The following ZNF804B variants were observed in gnomAD, a reference collection of about 807,000 sequenced individuals.
The protein encoded by ZNF804B is zinc finger 804B.
In ZNF804B, 80 loss-of-function variants were observed where a neutral mutation model predicts 101.4. The ratio of observed to expected loss-of-function variants is 0.79; its 90% CI spans 0.66 to 0.95. The LOEUF (loss-of-function observed/expected upper bound fraction) is 0.95. ZNF804B is among the 40% of genes least tolerant of loss of function. The pLI is 0.00. For synonymous variants in ZNF804B, 622 were observed against 558.8 expected (o/e 1.11, Z -1.59); for missense variants, 1,673 against 1,561.9 (o/e 1.07, Z -1.20).
At chr7:89,085,203 C>T (rs1789779588) in intron 1 of ZNF804B, among the ~76,000 whole-genome samples, 1 of 151,898 alleles carries the variant, frequency 6.6e-6, no homozygotes, top group South Asian at 2.1e-4. Flanking sequence ...CATAAATTGA[C>T]ATGTTTTCTA....
chr7:89,121,221 G>A (rs1214620165), intron 1 of ZNF804B, among the ~76,000 whole-genome samples: 1 of 152,142 alleles, frequency 6.6e-6, no homozygotes, highest in African/African-American at 2.4e-5. Context: ...TTGTTTAGGA[G>A]TCATGAAATC....
At chr7:88,815,723 A>G (rs1177971731) in intron 1 of ZNF804B, among the ~76,000 whole-genome samples, 1 of 151,872 alleles carries the variant, frequency 6.6e-6, no homozygotes, top group Non-Finnish European at 1.5e-5. Context: ...GTTCCCACAC[A>G]CCGCACTCGG....
At chr7:88,902,131 GA>G (rs1792400790) in intron 1 of ZNF804B, among the ~76,000 whole-genome samples, 1 of 151,820 alleles carries the variant, frequency 6.6e-6, no homozygotes, top group Non-Finnish European at 1.5e-5. Context: ...TAGTTTGGGG[GA>G]CTCACAAAGA....
At chr7:88,950,490 T>C (rs1021029192) in intron 1 of ZNF804B, among the ~76,000 whole-genome samples, 1 of 122,332 alleles carries the variant, frequency 8.2e-6, no homozygotes, top group Non-Finnish European at 1.8e-5. Flanking sequence ...GAAAACAGAT[T>C]ATTTATTTCC....
At chr7:88,819,623 A>C (rs1790943473) in intron 1 of ZNF804B, among the ~76,000 whole-genome samples, 1 of 152,188 alleles carries the variant, frequency 6.6e-6, no homozygotes. Context: ...AAAAGTGCTA[A>C]GTGTATACAC....
At chr7:88,959,098 T>G (rs972533240) in intron 1 of ZNF804B, among the ~76,000 whole-genome samples, 2 of 151,422 alleles carry the variant, frequency 1.3e-5, no homozygotes, top group African/African-American at 4.8e-5. Flanking sequence ...AGAGGTTGTC[T>G]GACTTTTGAC....
chr7:89,327,361 G>A lies in ZNF804B; in HGVS notation c.267G>A (p.Lys89=), dbSNP rs1206750333. ...TTTTCAAGAGACTGAAAGAATTAAA[G>A]CAACGGGAATTTGCTCGAAATGTAG... ...HAHKQRLKEL[K]QREFARNVAS... Residue 89 remains lysine (K), a synonymous_variant, in exon 3 of 4, where the codon AAG becomes AAA. Coordinates refer to ENST00000333190, the MANE Select transcript of ZNF804B (RefSeq NM_181646.5). The A allele has an allele frequency of 1.2e-6, 2 of 1,605,106 alleles. No homozygotes were observed. The highest frequency in any genetic ancestry group is 1.7e-6 in the Non-Finnish European group (2 of 1,176,694).
intron 1 of ZNF804B, among the ~76,000 whole-genome samples, chr7:89,068,108 C>T (rs141755242): frequency 1.4e-4 from 20 of 144,960 alleles, no homozygotes; most frequent in African/African-American, 4.4e-4. Context: ...TAAATATCAA[C>T]TATTTTCAAC....
At chr7:89,006,879 A>G (rs1317039729) in intron 1 of ZNF804B, among the ~76,000 whole-genome samples, 1 of 152,080 alleles carries the variant, frequency 6.6e-6, no homozygotes, top group Non-Finnish European at 1.5e-5. Context: ...ACCACAGGCC[A>G]TTGAGCACTT....
intron 1 of ZNF804B, among the ~76,000 whole-genome samples, chr7:88,885,069 A>G (rs933505502): frequency 1.6e-4 from 25 of 151,960 alleles, no homozygotes; most frequent in Admixed American, 1.4e-3. Flanking sequence ...CAATGCATAT[A>G]TAATTTGTAT....
At chr7:88,876,144 C>T (rs965188043) in intron 1 of ZNF804B, among the ~76,000 whole-genome samples, 1 of 152,134 alleles carries the variant, frequency 6.6e-6, no homozygotes, top group Non-Finnish European at 1.5e-5. Context: ...CCCCTCTTTA[C>T]TTTCTCTCAA....
At chr7:89,204,812 C>A (rs1416889230) in intron 1 of ZNF804B, among the ~76,000 whole-genome samples, 1 of 152,076 alleles carries the variant, frequency 6.6e-6, no homozygotes, top group East Asian at 1.9e-4. Flanking sequence ...ATATAGTCTG[C>A]TAATTAGAAA....
rs1790574505 is a variant in ZNF804B at position 88,801,122 on chromosome 7, T to C, written c.108+41038T>C. 1.3e-5 allele frequency among the ~76,000 whole-genome samples: 2 copies of C among 151,840 alleles called. 1 individual carries two copies. Among genetic ancestry groups the C allele is most frequent in the African/African-American group, 4.8e-5 (2 of 41,328 alleles). On this transcript the variant is annotated intron_variant, in intron 1 of 3. Transcript: ENST00000333190. ...TTGGTTACATGAGTAAGTTCTTTAG[T>C]GGTGATTTGCAAGATTCTAGTGCGC...
chr7:89,248,490 A>G (rs1789486118), intron 2 of ZNF804B, among the ~76,000 whole-genome samples: 1 of 148,514 alleles, frequency 6.7e-6, no homozygotes, highest in Non-Finnish European at 1.5e-5. Flanking sequence ...AAAGAAAGAA[A>G]GAAGGAATTA....
chr7:88,788,569 A>G (rs903376323), intron 1 of ZNF804B, among the ~76,000 whole-genome samples: 1 of 151,920 alleles, frequency 6.6e-6, no homozygotes, highest in Non-Finnish European at 1.5e-5. Flanking sequence ...CATTTTCTCT[A>G]TTTGTTTATT....
At chr7:88,903,283 A>G (rs1792419376) in intron 1 of ZNF804B, among the ~76,000 whole-genome samples, 1 of 152,114 alleles carries the variant, frequency 6.6e-6, no homozygotes. Context: ...ATATGGTTTC[A>G]TTCTTTTTAA....
intron 1 of ZNF804B, among the ~76,000 whole-genome samples, chr7:88,871,000 C>T (rs1791814662): frequency 6.7e-6 from 1 of 148,682 alleles, no homozygotes; most frequent in African/African-American, 2.5e-5. Context: ...CCATTTGTTT[C>T]TCATAGTTAA....
chr7:88,883,436 A>T (rs1327351652), intron 1 of ZNF804B, among the ~76,000 whole-genome samples: 1 of 152,142 alleles, frequency 6.6e-6, no homozygotes, highest in African/African-American at 2.4e-5. Flanking sequence ...ACTGAGCTGT[A>T]GACAATGGAA....
At chr7:89,129,156 A>G (rs1362105706) in intron 1 of ZNF804B, among the ~76,000 whole-genome samples, 2 of 152,032 alleles carry the variant, frequency 1.3e-5, no homozygotes, top group Non-Finnish European at 2.9e-5. Context: ...AGATAAATTC[A>G]GGACATCATT....
Sources: allele counts gnomAD v4.1 joint callset (sites outside exome capture counted in the v4.1 genomes callset), GRCh38; gene constraint gnomAD v4.1.1; transcripts MANE v1.5; gene names NCBI Gene and HGNC (gene_info 2026-07-23, HGNC 2026-07-21).